Variants in DIS3L2 observed in about 807,000 individuals in gnomAD.
The protein encoded by DIS3L2 is DIS3-like exonuclease 2.
A neutral mutation model predicts 97.5 loss-of-function variants in DIS3L2; 34 were observed. The observed-to-expected ratio is 0.35, with a 90% confidence interval of 0.27 to 0.46. The LOEUF (loss-of-function observed/expected upper bound fraction) is 0.46. Ranked by LOEUF, DIS3L2 falls within the 20% of genes least tolerant of loss-of-function variation. The pLI is 1.00. For missense variants in DIS3L2, 1,038 were observed against 1,146.0 expected (o/e 0.91, Z 1.36); for synonymous variants, 435 against 445.2 (o/e 0.98, Z 0.29).
At chr2:232,136,795 G>A in intron 8 of DIS3L2, 76 bp downstream of exon 8, 1 of 1,530,420 alleles carries the variant, frequency 6.5e-7, no homozygotes, top group Non-Finnish European at 8.8e-7. Flanking sequence ...TAAACTTTTT[G>A]TGTATTTTAA....
At chr2:232,009,518 A>G (rs925085834) in intron 1 of DIS3L2, among the ~76,000 whole-genome samples, 1 of 152,108 alleles carries the variant, frequency 6.6e-6, no homozygotes, top group African/African-American at 2.4e-5. Context: ...GGGTCAGCGT[A>G]TCTTAGTGGT....
intron 6 of DIS3L2, among the ~76,000 whole-genome samples, chr2:232,107,574 C>T (rs1697389429): frequency 6.6e-6 from 1 of 152,128 alleles, no homozygotes; most frequent in Admixed American, 6.6e-5. Context: ...TGGTGCATGC[C>T]TGTAATCCCA....
intron 5 of DIS3L2, among the ~76,000 whole-genome samples, chr2:232,065,419 A>G (rs1245649995): frequency 6.6e-6 from 1 of 151,972 alleles, no homozygotes; most frequent in Non-Finnish European, 1.5e-5. Context: ...GCTGAATTTC[A>G]TCTTTCTCCT....
intron 16 of DIS3L2, among the ~76,000 whole-genome samples, chr2:232,333,275 T>A (rs1407186249): frequency 7.3e-6 from 1 of 137,216 alleles, no homozygotes; most frequent in South Asian, 2.6e-4. Flanking sequence ...CTCCTCCTCC[T>A]CCTCTGCCTC....
At chr2:232,136,965 C>T (rs776142780) in intron 8 of DIS3L2, among the ~76,000 whole-genome samples, 43 of 152,046 alleles carry the variant, frequency 2.8e-4, no homozygotes, top group Non-Finnish European at 4.7e-4. Context: ...ATGAACATTC[C>T]GAGCCTCTAC....
intron 11 of DIS3L2, among the ~76,000 whole-genome samples, chr2:232,247,898 G>T (rs893960210): frequency 6.6e-6 from 1 of 152,090 alleles, no homozygotes; most frequent in Non-Finnish European, 1.5e-5. Context: ...CAAAAGTAAT[G>T]GCAAGAAAAA....
At chr2:232,001,219 A>G (rs1360214835) in intron 1 of DIS3L2, among the ~76,000 whole-genome samples, 1 of 152,116 alleles carries the variant, frequency 6.6e-6, no homozygotes, top group African/African-American at 2.4e-5. Context: ...AACACTTGTT[A>G]TCTTTTGTGT....
intron 5 of DIS3L2, among the ~76,000 whole-genome samples, chr2:232,059,789 C>A (rs35830652): frequency 0.17 from 25,946 of 152,102 alleles, 2,521 homozygotes; most frequent in South Asian, 0.35. Flanking sequence ...CAACTTCATT[C>A]ATGGTGCTGG....
chr2:232,065,776 G>A (rs996639676), intron 5 of DIS3L2, among the ~76,000 whole-genome samples: 3 of 151,930 alleles, frequency 2.0e-5, no homozygotes, highest in African/African-American at 7.2e-5. Flanking sequence ...ATAGATTGGA[G>A]TTGTCTAATC....
At position 232,030,088 on chromosome 2, in the gene DIS3L2, A is replaced by C; in HGVS notation, c.366+8A>C. ...CCCGAGGAGCATTGGAAGGTGAGTT[A>C]AGTTTTCCCTTTCTAATTACAGATT... On this transcript the variant is annotated splice_region_variant and intron_variant, in intron 5 of 20. Transcript: ENST00000325385. The C allele has an allele frequency of 6.2e-7, 1 of 1,608,144 alleles. No homozygotes were observed. The highest frequency in any genetic ancestry group is 1.7e-5 in the Admixed American group (1 of 59,230).
chr2:232,050,580 G>A (rs1019496767), intron 5 of DIS3L2, among the ~76,000 whole-genome samples: 5 of 151,988 alleles, frequency 3.3e-5, no homozygotes, highest in African/African-American at 1.2e-4. Flanking sequence ...CCGGCCGGTT[G>A]TAGACATTTC....
At chr2:231,996,997 G>GCT (rs1226346619) in intron 1 of DIS3L2, among the ~76,000 whole-genome samples, 1 of 152,090 alleles carries the variant, frequency 6.6e-6, no homozygotes, top group Admixed American at 6.5e-5. Context: ...CTGCCTCCCT[G>GCT]CTCTGTGTCA....
chr2:232,089,757 C>G (rs931997610), intron 6 of DIS3L2, among the ~76,000 whole-genome samples: 3 of 152,188 alleles, frequency 2.0e-5, no homozygotes, highest in African/African-American at 7.2e-5. Flanking sequence ...ACACATTGAT[C>G]TCTCATTAGT....
intron 14 of DIS3L2, 31 bp from the exon 15 acceptor site, chr2:232,329,781 GC>G: frequency 8.6e-7 from 1 of 1,157,498 alleles, no homozygotes; most frequent in Non-Finnish European, 1.2e-6. Context: ...CCAAACCCCA[GC>G]GGTCCCTCCC....
chr2:232,016,718 G>A (rs1446805837), intron 3 of DIS3L2, among the ~76,000 whole-genome samples: 2 of 151,974 alleles, frequency 1.3e-5, no homozygotes, highest in Non-Finnish European at 2.9e-5. Context: ...CACATATTCT[G>A]TGAATTAAGT....
chr2:232,197,415 A>G (rs1691784273), intron 9 of DIS3L2, among the ~76,000 whole-genome samples: 1 of 152,182 alleles, frequency 6.6e-6, no homozygotes, highest in African/African-American at 2.4e-5. Context: ...TCCTATTTTT[A>G]TATATCCTTT....
chr2:232,048,962 C>G (rs1695324618), intron 5 of DIS3L2, among the ~76,000 whole-genome samples: 1 of 152,054 alleles, frequency 6.6e-6, no homozygotes, highest in Non-Finnish European at 1.5e-5. Context: ...TATATACACA[C>G]ATATAGTTTG....
chr2:232,085,268 T>G (rs1418851281), intron 5 of DIS3L2, among the ~76,000 whole-genome samples: 1 of 152,222 alleles, frequency 6.6e-6, no homozygotes, highest in Non-Finnish European at 1.5e-5. Flanking sequence ...TATATTTAAT[T>G]GCGCTTCTCA....
exon 14 of DIS3L2, chr2:232,344,205 CA>C (rs1439581989): frequency 6.6e-6 from 1 of 152,232 alleles, no homozygotes; most frequent in Non-Finnish European, 1.5e-5. Flanking sequence ...TTTCAAGCAA[CA>C]ATTATTTTTC....
Sources: gnomAD v4.1 joint callset for allele counts (sites outside exome capture counted in the v4.1 genomes callset) on GRCh38, gnomAD v4.1.1 for gene constraint, MANE v1.5 for transcripts, NCBI Gene and HGNC (gene_info 2026-07-23, HGNC 2026-07-21) for gene names.